The following PCGF3 variants were observed in gnomAD, a reference collection of about 807,000 sequenced individuals.
The protein encoded by PCGF3 is polycomb group RING finger protein 3.
PCGF3 carries 7 observed loss-of-function variants against 33.1 expected under a neutral mutation model. The observed-to-expected ratio is 0.21, with a 90% CI of 0.12 to 0.40. The LOEUF (loss-of-function observed/expected upper bound fraction) is 0.40, where lower values mean the gene tolerates loss of function less well. Among genes scored for constraint, PCGF3 ranks in the 10% least tolerant of loss-of-function variants. The probability of loss-of-function intolerance (pLI) is 1.00; values close to 1 mark genes in which losing one functional copy is unlikely to be tolerated. For synonymous variants in PCGF3, 153 were observed against 121.3 expected (o/e 1.26, Z -1.72); for missense variants, 211 against 313.3 (o/e 0.67, Z 2.46).
intron 5 of PCGF3, among the ~76,000 whole-genome samples, chr4:736,087 C>T (rs923125218): frequency 1.1e-4 from 17 of 151,846 alleles, no homozygotes; most frequent in Non-Finnish European, 2.5e-4. Context: ...CTTGCTCTGT[C>T]GCCAGGCTGG....
chr4:720,924 G>C lies in PCGF3; in HGVS notation c.-189-9706G>C, dbSNP rs1743052004. 6.6e-6 allele frequency among the ~76,000 whole-genome samples: 1 copy of C among 152,180 alleles called. No homozygotes were observed. Among genetic ancestry groups the C allele is most frequent in the Admixed American group, 6.5e-5 (1 of 15,278 alleles). On this transcript the variant is annotated intron_variant, in intron 1 of 10. Transcript: ENST00000362003. The surrounding 1 kb of genome is among the most constrained non-coding windows in gnomAD (Gnocchi z 5.6). ...AGGGCGGCTTGGAGAAGCCTGTCCT[G>C]GGCGGGTTTCACCACTTGGACGGGA... is the stretch of plus-strand genomic sequence containing the variant.
chr4:732,642 T>C (rs1743648640), intron 3 of PCGF3: 1 of 152,106 alleles, frequency 6.6e-6, no homozygotes, highest in Admixed American at 6.5e-5. Context: ...CAGCAGGCGA[T>C]GTGGGGCTCA....
At chr4:743,285 G>C (rs1489933444) in intron 6 of PCGF3, among the ~76,000 whole-genome samples, 189 bp from the exon 7 acceptor site, 2 of 152,216 alleles carry the variant, frequency 1.3e-5, no homozygotes, top group Non-Finnish European at 2.9e-5. Context: ...TGGGGCGGGT[G>C]CCCGGGGGGT....
intron 3 of PCGF3, chr4:732,259 G>C (rs1743606749): frequency 6.5e-6 from 1 of 153,264 alleles, no homozygotes. Context: ...CCCCTCCCGA[G>C]TGGGCGTGGT....
intron 1 of PCGF3, among the ~76,000 whole-genome samples, chr4:710,054 G>A (rs1054366685): frequency 6.6e-6 from 1 of 152,212 alleles, no homozygotes. Flanking sequence ...TTTTAGAGGT[G>A]TTTTTAGGCC....
At chr4:710,881 A>G (rs1210817221) in intron 1 of PCGF3, among the ~76,000 whole-genome samples, 1 of 152,224 alleles carries the variant, frequency 6.6e-6, no homozygotes, top group Admixed American at 6.5e-5. Flanking sequence ...AGAAATTATC[A>G]ACCGACTTCT....
chr4:749,475 CCTTT>C (rs1744415386), intron 8 of PCGF3, among the ~76,000 whole-genome samples: 2 of 83,800 alleles, frequency 2.4e-5, no homozygotes, highest in African/African-American at 8.0e-5. Context: ...AATTTTCTTT[CCTTT>C]TTTTTTTTTT....
chr4:740,453 C>G (rs1011821889), intron 6 of PCGF3, among the ~76,000 whole-genome samples: 28 of 152,058 alleles, frequency 1.8e-4, no homozygotes, highest in Non-Finnish European at 7.4e-5. Context: ...CAGTCTCAGC[C>G]CACTCTGGGC....
chr4:760,055 C>T (rs941215368), intron 8 of PCGF3, among the ~76,000 whole-genome samples: 8 of 152,214 alleles, frequency 5.3e-5, no homozygotes, highest in East Asian at 3.9e-4. Flanking sequence ...CATCCCACCC[C>T]GGAGCAAGGA....
chr4:769,980 C>A (rs991291682), exon 11 of PCGF3: 1 of 152,420 alleles, frequency 6.6e-6, no homozygotes, highest in African/African-American at 2.4e-5. Context: ...TTTGTCAAAT[C>A]TTTTTTGGAA....
chr4:733,206 A>G (rs2109609418), intron 3 of PCGF3, among the ~76,000 whole-genome samples: 1 of 152,252 alleles, frequency 6.6e-6, no homozygotes, highest in South Asian at 2.1e-4. Context: ...CATACAGCCC[A>G]GACTCTAAAC....
intron 1 of PCGF3, among the ~76,000 whole-genome samples, chr4:715,163 G>A (rs1241081498): frequency 6.8e-6 from 1 of 147,838 alleles, no homozygotes; most frequent in African/African-American, 2.5e-5. Context: ...TGTGAGAACT[G>A]GGCGTCGGTG....
rs1743485359 is a variant in PCGF3, at chr4:730,006, C to A, written c.-189-624C>A. On this transcript the variant is annotated intron_variant, in intron 1 of 10. Transcript: ENST00000362003. ...CCAGACGCAGGGTCCCTACGTGGTC[C>A]CCTGGTCCCGGGTGGGGACTGTGTC... 2.6e-5 allele frequency among the ~76,000 whole-genome samples: 4 copies of A among 152,096 alleles called. 1 individual carries two copies. Among genetic ancestry groups the A allele is most frequent in the African/African-American group, 9.7e-5 (4 of 41,418 alleles).
intron 8 of PCGF3, among the ~76,000 whole-genome samples, chr4:755,505 G>C (rs182255621): frequency 6.6e-6 from 1 of 152,114 alleles, no homozygotes; most frequent in East Asian, 1.9e-4. Context: ...TGCGGCTGTC[G>C]GCTTTCTTCG....
chr4:765,752 G>A (rs1745333244), intron 10 of PCGF3, among the ~76,000 whole-genome samples: 1 of 152,172 alleles, frequency 6.6e-6, no homozygotes, highest in African/African-American at 2.4e-5. Context: ...GCAGGGGAGT[G>A]GCAGCCAGGG....
intron 8 of PCGF3, among the ~76,000 whole-genome samples, chr4:750,849 CT>C (rs1255889744): frequency 6.9e-6 from 1 of 143,932 alleles, no homozygotes; most frequent in Non-Finnish European, 1.5e-5. Context: ...CTTTTTTTTT[CT>C]TTTTTCCTGT....
At chr4:715,590 GT>G (rs1742790895) in intron 1 of PCGF3, among the ~76,000 whole-genome samples, 1 of 121,036 alleles carries the variant, frequency 8.3e-6, no homozygotes. Flanking sequence ...GACACTGTGA[GT>G]GTGAGAACTG....
Position 743,589 on chromosome 4 carries a change from G to C in PCGF3, c.373+5G>C. The C allele has an allele frequency of 6.6e-7, 1 of 1,505,696 alleles. No homozygotes were observed. The highest frequency in any genetic ancestry group is 1.1e-5 in the South Asian group (1 of 88,706). 93.3% of individuals were successfully genotyped at this position (1,505,696 alleles called of 1,614,324 possible). ...ACTTAGATTCCCATCGGAATGGTGAGTGCCCTGCGTGCCCATCCAGAAGCC... is the reference window on the plus strand; with the variant it reads ...ACTTAGATTCCCATCGGAATGGTGACTGCCCTGCGTGCCCATCCAGAAGCC... On this transcript the variant is annotated splice_donor_5th_base_variant and intron_variant, in intron 7 of 10. Coordinates refer to ENST00000362003, the Ensembl canonical transcript of PCGF3.
At chr4:724,304 G>A (rs1047747909) in intron 1 of PCGF3, among the ~76,000 whole-genome samples, 5 of 152,314 alleles carry the variant, frequency 3.3e-5, no homozygotes, top group South Asian at 4.1e-4. Flanking sequence ...ACCCGAGTCC[G>A]TCCTCGGCCA....
Sources: allele counts gnomAD v4.1 joint callset (sites outside exome capture counted in the v4.1 genomes callset), GRCh38; gene constraint gnomAD v4.1.1; non-coding constraint Gnocchi (gnomAD v3.1); transcripts MANE v1.5; gene names NCBI Gene and HGNC (gene_info 2026-07-23, HGNC 2026-07-21).